Variants in AGO2 observed in about 807,000 individuals in gnomAD.
AGO2 encodes the protein argonaute RISC catalytic component 2.
A neutral mutation model predicts 102.3 loss-of-function variants in AGO2; 5 were observed. That is an observed-to-expected ratio of 0.05 (90% confidence interval 0.03 to 0.10). The LOEUF is 0.10. Among genes scored for constraint, AGO2 ranks in the 10% least tolerant of loss-of-function variants. The pLI, the probability that AGO2 is intolerant of heterozygous loss-of-function variation, is 1.00. For missense variants in AGO2, 541 were observed against 1,183.7 expected (o/e 0.46, Z 7.97); for synonymous variants, 449 against 473.1 (o/e 0.95, Z 0.66).
At position 140,521,819 on chromosome 8, in the gene AGO2, T is replaced by G. The variant is rs937136146; in HGVS notation, c.*10225A>C. The G allele has an allele frequency of 3.3e-5, 5 of 152,140 alleles. No homozygotes were observed. The highest frequency in any genetic ancestry group is 7.4e-5 in the Non-Finnish European group (5 of 68,018). The allele number at this position is 152,140 out of a possible 1,614,324, so 9.4% of individuals were successfully genotyped here. On this transcript the variant is annotated 3_prime_UTR_variant, in exon 19 of 19. Coordinates refer to ENST00000220592, the MANE Select transcript of AGO2 (RefSeq NM_012154.5). ...TCCGTTTGCTGCTTATGAAATAAAC[T>G]CTTAGAAAATGTGCCAGAGGAAGAG...
chr8:140,595,630 T>A (rs1011282297), intron 1 of AGO2, among the ~76,000 whole-genome samples: 3 of 134,336 alleles, frequency 2.2e-5, no homozygotes, highest in African/African-American at 5.5e-5. Context: ...ATATATATAT[T>A]ATATATATAT....
chr8:140,620,243 G>A (rs1364490819), intron 1 of AGO2, among the ~76,000 whole-genome samples: 1 of 152,210 alleles, frequency 6.6e-6, no homozygotes, highest in African/African-American at 2.4e-5. Flanking sequence ...ATGGCCATTA[G>A]TCAAATGGAC....
intron 1 of AGO2, among the ~76,000 whole-genome samples, chr8:140,594,341 G>A (rs1442973498): frequency 6.6e-6 from 1 of 152,186 alleles, no homozygotes; most frequent in Admixed American, 6.5e-5. Flanking sequence ...ACTGTAAATA[G>A]ATAGTATTTT....
chr8:140,630,920 G>A lies in AGO2; in HGVS notation c.22+4565C>T, dbSNP rs75687054. Reference sequence around the variant, plus strand: ...GTAAAACACCTTCGCTGGGCATGGTGGCACATGTCTGCAGTCTCAGCTACT... The same window carrying A: ...GTAAAACACCTTCGCTGGGCATGGTAGCACATGTCTGCAGTCTCAGCTACT... On this transcript the variant is annotated intron_variant, in intron 1 of 18. Transcript: ENST00000220592. Among the ~76,000 whole-genome samples, 223 of 152,312 alleles carry A rather than the reference G, an allele frequency of 1.5e-3. No individual in the cohort carries two copies. The East Asian group carries it at 0.015, about 11-fold the overall frequency.
chr8:140,601,810 C>T (rs6982614), intron 1 of AGO2, among the ~76,000 whole-genome samples: 120,011 of 152,136 alleles, frequency 0.79, 47,620 homozygotes, highest in Admixed American at 0.83. Flanking sequence ...TATTGCTTTT[C>T]TCCCCCCAAA....
At chr8:140,556,349 G>A in intron 8 of AGO2, 63 bp from the exon 9 acceptor site, 1 of 1,590,656 alleles carries the variant, frequency 6.3e-7, no homozygotes, top group South Asian at 1.1e-5. Context: ...GGAGCAGGCA[G>A]GGGGCTCAGG....
In AGO2 at chr8:140,523,129, G is replaced by A. The variant is rs2072444432; in HGVS notation, c.*8915C>T. The A allele has an allele frequency of 6.6e-6, 1 of 152,138 alleles. No homozygotes were observed. The highest frequency in any genetic ancestry group is 2.4e-5 in the African/African-American group (1 of 41,406). 9.4% of individuals were successfully genotyped at this position (152,138 alleles called of 1,614,324 possible). A position where few individuals can be genotyped will look rare whatever the true frequency, so the allele number is the denominator to read the frequency against. On this transcript the variant is annotated 3_prime_UTR_variant, in exon 19 of 19. Coordinates refer to ENST00000220592, the MANE Select transcript of AGO2 (RefSeq NM_012154.5). ...GCCAATTCACAAAACAGCACTGCAT[G>A]GTTTCTATATTGCAAGCACAAGACA... is the stretch of plus-strand genomic sequence containing the variant.
chr8:140,629,341 T>C (rs992076298), intron 1 of AGO2, among the ~76,000 whole-genome samples: 1 of 152,052 alleles, frequency 6.6e-6, no homozygotes, highest in Non-Finnish European at 1.5e-5. Flanking sequence ...GCTGCTTCCC[T>C]TCAGCGCAGG....
At position 140,532,102 on chromosome 8, in the gene AGO2, G is replaced by A; in HGVS notation, c.2522C>T (p.Ala841Val). 6.2e-7 allele frequency: 1 copy of A among 1,614,228 alleles called. No homozygotes were observed. The highest frequency in any genetic ancestry group is 2.2e-5 in the East Asian group (1 of 44,886). Reference protein sequence around the residue: ...SGQSNGRDHQALAKAVQVHQD... With the variant: ...SGQSNGRDHQVLAKAVQVHQD... The stretch of plus-strand genomic sequence containing the variant: ...GTGAACCTGGACCGCCTTGGCCAGT[G>A]CTTGGTGGTCTCGCCCGTTACTCTG... The change falls in exon 19 of 19, where the codon GCA (alanine) becomes GTA (valine). Residue 841 changes from alanine to valine, a missense_variant. By Grantham distance (64) the Ala-to-Val change is moderately conservative. Around this residue, in one of 6 missense-constraint regions of AGO2, gnomAD observed 309 missense variants for 735.1 expected, o/e 0.42. Coordinates refer to ENST00000220592, the MANE Select transcript of AGO2 (RefSeq NM_012154.5).
intron 10 of AGO2, among the ~76,000 whole-genome samples, chr8:140,552,214 T>C (rs1233879497): frequency 1.3e-5 from 2 of 152,248 alleles, no homozygotes; most frequent in African/African-American, 2.4e-5. Flanking sequence ...CCCATAGCTT[T>C]TTCCACTCAG....
chr8:140,563,458 A>G (rs2073234175), intron 3 of AGO2, among the ~76,000 whole-genome samples: 1 of 151,814 alleles, frequency 6.6e-6, no homozygotes, highest in African/African-American at 2.4e-5. Flanking sequence ...CTGGTTTTGA[A>G]CTCCTGGGCT....
At chr8:140,593,997 C>T (rs1417888545) in intron 1 of AGO2, among the ~76,000 whole-genome samples, 2 of 152,242 alleles carry the variant, frequency 1.3e-5, no homozygotes, top group Admixed American at 1.3e-4. Flanking sequence ...GGAATACCTG[C>T]CCACCAGTGA....
At chr8:140,555,369 T>C (rs1484741121) in intron 10 of AGO2, 1 of 154,198 alleles carries the variant, frequency 6.5e-6, no homozygotes, top group Non-Finnish European at 1.4e-5. Flanking sequence ...CACACCTGTA[T>C]TCCCAGCTAC....
At position 140,567,891 on chromosome 8, in the gene AGO2, G is replaced by A. The variant is rs1047203323; in HGVS notation, c.336+4921C>T. Among the ~76,000 whole-genome samples the A allele has an allele frequency of 2.0e-5, 3 of 152,106 alleles. No individual in the cohort carries two copies. The highest frequency in any genetic ancestry group is 2.4e-5 in the African/African-American group (1 of 41,434). ...TGTAATCCCAGTACCGTGGGAGGCC[G>A]AGGCGGGCTGGATCGCTTGAGCTCA... On this transcript the variant is annotated intron_variant, in intron 3 of 18. Coordinates refer to ENST00000220592, the MANE Select transcript of AGO2 (RefSeq NM_012154.5). This position sits in a 1 kb window ranked among gnomAD's most constrained non-coding sequence, Gnocchi z 5.0.
At chr8:140,628,813 C>T (rs964549742) in intron 1 of AGO2, among the ~76,000 whole-genome samples, 9 of 147,360 alleles carry the variant, frequency 6.1e-5, no homozygotes, top group African/African-American at 1.8e-4. Context: ...AGGCCGGGCG[C>T]GGTGGCTCAC....
intron 3 of AGO2, among the ~76,000 whole-genome samples, chr8:140,569,031 G>A (rs1248147631): frequency 1.3e-5 from 2 of 152,106 alleles, no homozygotes; most frequent in Non-Finnish European, 2.9e-5. Context: ...GCCCCCGCCC[G>A]CCTTCTCTCC....
At chr8:140,564,416 A>G (rs1421370495) in intron 3 of AGO2, among the ~76,000 whole-genome samples, 1 of 152,208 alleles carries the variant, frequency 6.6e-6, no homozygotes, top group Non-Finnish European at 1.5e-5. Context: ...ATAAATGTAC[A>G]TAGCTGGCCC....
At chr8:140,598,294 A>G (rs1350968146) in intron 1 of AGO2, among the ~76,000 whole-genome samples, 3 of 152,200 alleles carry the variant, frequency 2.0e-5, no homozygotes, top group African/African-American at 7.2e-5. Context: ...ACCAAAAAGA[A>G]TTCTCTTCGG....
intron 3 of AGO2, among the ~76,000 whole-genome samples, chr8:140,566,602 C>CTT (rs71504806): frequency 1.5e-4 from 21 of 137,124 alleles, no homozygotes; most frequent in South Asian, 4.8e-4. Context: ...CCTTTACTTT[C>CTT]TTTTTTTTTT....
Sources: allele counts gnomAD v4.1 joint callset (sites outside exome capture counted in the v4.1 genomes callset), GRCh38; gene constraint gnomAD v4.1.1; regional missense constraint gnomAD v4.1.1; non-coding constraint Gnocchi (gnomAD v3.1); transcripts MANE v1.5; gene names NCBI Gene and HGNC (gene_info 2026-07-23, HGNC 2026-07-21).